Variants in PIAS2 observed in about 807,000 individuals in gnomAD.
PIAS2 encodes the protein E3 SUMO-protein ligase PIAS2.
A neutral mutation model predicts 69.7 loss-of-function variants in PIAS2; 19 were observed. The ratio of observed to expected loss-of-function variants is 0.27; its 90% CI spans 0.19 to 0.40. The LOEUF (loss-of-function observed/expected upper bound fraction) is 0.40. Ranked by LOEUF, PIAS2 falls within the 10% of genes least tolerant of loss-of-function variation. The pLI is 1.00. For synonymous variants in PIAS2, 261 were observed against 263.2 expected (o/e 0.99, Z 0.08); for missense variants, 624 against 757.0 (o/e 0.82, Z 2.06).
At chr18:46,835,203 C>T (rs181443589) in intron 9 of PIAS2, among the ~76,000 whole-genome samples, 1 of 152,082 alleles carries the variant, frequency 6.6e-6, no homozygotes, top group Non-Finnish European at 1.5e-5. Flanking sequence ...ATGCACACAC[C>T]AAAAATGTGT....
At chr18:46,919,486 CAA>C (rs571707086), upstream of PIAS2, among the ~76,000 whole-genome samples, 2 of 134,508 alleles carry the variant, frequency 1.5e-5, no homozygotes, top group Admixed American at 7.4e-5. Context: ...AACTCCATCT[CAA>C]AAAAAAAAAA....
At chr18:46,829,603 G>A (rs1433698933) in intron 10 of PIAS2, 131 bp downstream of exon 10, 1 of 736,984 alleles carries the variant, frequency 1.4e-6, no homozygotes, top group Non-Finnish European at 2.2e-6. Context: ...AATCATTTGG[G>A]GGAAAACTAT....
rs1382954810 is a variant in PIAS2 at position 46,807,352 on chromosome 18, ATTTT to A, written c.*5077_*5080del. ...CGTAGGTGTTTCTGAAACATGTCAG[ATTTT>A]ATATATATATATATATATATATATA... On this transcript the variant is annotated 3_prime_UTR_variant, in exon 14 of 14. Coordinates refer to ENST00000585916, the MANE Select transcript of PIAS2 (RefSeq NM_004671.5). The A allele has an allele frequency of 3.0e-5, 2 of 65,662 alleles. No individual in the cohort carries two copies. 4.1% of individuals were successfully genotyped at this position (65,662 alleles called of 1,614,324 possible).
chr18:46,843,513 T>C (rs758335854), intron 8 of PIAS2, among the ~76,000 whole-genome samples: 20 of 152,208 alleles, frequency 1.3e-4, no homozygotes, highest in Non-Finnish European at 2.8e-4. Context: ...ATTATTAACA[T>C]TCTAAGCAAG....
At chr18:46,897,708 G>A (rs2055117185) in intron 1 of PIAS2, among the ~76,000 whole-genome samples, 1 of 152,072 alleles carries the variant, frequency 6.6e-6, no homozygotes, top group Non-Finnish European at 1.5e-5. Flanking sequence ...AACAAGAAAA[G>A]AAAGAAATTC....
chr18:46,834,694 G>A (rs1023348555), intron 9 of PIAS2, among the ~76,000 whole-genome samples: 5 of 152,062 alleles, frequency 3.3e-5, no homozygotes, highest in South Asian at 2.1e-4. Flanking sequence ...TGCTCACTGC[G>A]GCCTCAAACT....
At chr18:46,858,898 C>A (rs1159458568) in intron 3 of PIAS2, among the ~76,000 whole-genome samples, 5 of 152,032 alleles carry the variant, frequency 3.3e-5, no homozygotes, top group Admixed American at 2.6e-4. Context: ...CTCACCAGGA[C>A]AAGAAGAGGC....
intron 2 of PIAS2, among the ~76,000 whole-genome samples, chr18:46,866,584 T>C (rs540517169): frequency 6.6e-6 from 1 of 152,332 alleles, no homozygotes; most frequent in African/African-American, 2.4e-5. Flanking sequence ...AATCATACAG[T>C]AAATAAGCAT....
chr18:46,916,306 C>T (rs968400496), intron 1 of PIAS2, among the ~76,000 whole-genome samples: 2 of 151,834 alleles, frequency 1.3e-5, no homozygotes, highest in African/African-American at 4.8e-5. Context: ...ATTCCTCTTC[C>T]TTATTTGAAA....
In PIAS2 at chr18:46,846,537, T is replaced by C. The variant is rs141296116; in HGVS notation, c.861+170A>G. On this transcript the variant is annotated intron_variant, in intron 6 of 13. Coordinates refer to ENST00000585916, the MANE Select transcript of PIAS2 (RefSeq NM_004671.5). ...TATTCAGGAAAGCTCAGAGTTAAAGTTTTTAACTTTAAGAATCTCCACACT... is the reference window on the plus strand; with the variant it reads ...TATTCAGGAAAGCTCAGAGTTAAAGCTTTTAACTTTAAGAATCTCCACACT... The C allele has an allele frequency of 1.7e-4, 86 of 519,936 alleles. No individual in the cohort carries two copies. In the East Asian group the frequency reaches 2.5e-3, roughly 15 times the overall value. The allele number at this position is 519,936 out of a possible 1,614,324, so 32.2% of individuals were successfully genotyped here. A position where few individuals can be genotyped will look rare whatever the true frequency, so the allele number is the denominator to read the frequency against.
At chr18:46,838,472 T>C (rs914031754) in intron 8 of PIAS2, among the ~76,000 whole-genome samples, 1 of 152,166 alleles carries the variant, frequency 6.6e-6, no homozygotes, top group Non-Finnish European at 1.5e-5. Context: ...ACTGCCTCTA[T>C]CTAAGTGTCT....
At chr18:46,909,043 C>T (rs1451116238) in intron 1 of PIAS2, among the ~76,000 whole-genome samples, 2 of 151,706 alleles carry the variant, frequency 1.3e-5, no homozygotes, top group Non-Finnish European at 2.9e-5. Flanking sequence ...AAAAGTGAGC[C>T]CAATTGAAAG....
At position 46,810,298 on chromosome 18, in the gene PIAS2, T is replaced by C. The variant is rs570451762; in HGVS notation, c.*2135A>G. The C allele has an allele frequency of 4.3e-4, 65 of 152,294 alleles. No individual in the cohort carries two copies. The highest frequency in any genetic ancestry group is 1.2e-3 in the African/African-American group (51 of 41,564). 9.4% of individuals were successfully genotyped at this position (152,294 alleles called of 1,614,324 possible). A position where few individuals can be genotyped will look rare whatever the true frequency, so the allele number is the denominator to read the frequency against. ...AATATTTTCATTTACTTTATAAAAC[T>C]TTGTTGATTAAATTGGGGGAGTCTC... On this transcript the variant is annotated 3_prime_UTR_variant, in exon 14 of 14. Transcript: ENST00000585916.
intron 12 of PIAS2, among the ~76,000 whole-genome samples, chr18:46,820,028 GTTTTAAAT>G (rs1410394297): frequency 3.9e-5 from 6 of 152,094 alleles, no homozygotes; most frequent in Non-Finnish European, 8.8e-5. Context: ...TAATTCATAA[GTTTTAAAT>G]TACACACTAT....
rs747794705 is a variant in PIAS2 at position 46,818,428 on chromosome 18, A to G, written c.1648+2505T>C. ...TTCCAAGCTTCAGTTCATTATTAAT[A>G]TCATTTCTTCTTTGTTCTCCTGCAG... On this transcript the variant is annotated intron_variant, in intron 12 of 13. Transcript: ENST00000585916. 6 of 1,579,934 alleles carry G rather than the reference A, an allele frequency of 3.8e-6. No individual in the cohort carries two copies. The East Asian group carries it at 1.2e-4, about 30-fold the overall frequency.
At position 46,804,025 on chromosome 18, in the gene PIAS2, G is replaced by T. The variant is rs185759918; in HGVS notation, c.*8408C>A. On this transcript the variant is annotated 3_prime_UTR_variant, in exon 14 of 14. Coordinates refer to ENST00000585916, the MANE Select transcript of PIAS2 (RefSeq NM_004671.5). Reference sequence around the variant, plus strand: ...GCACCTCCTTCTGTTTTCCTCTCTTGGTGAATGCTTACTGCTGAGGTATTA... The same window carrying T: ...GCACCTCCTTCTGTTTTCCTCTCTTTGTGAATGCTTACTGCTGAGGTATTA... 1 of 152,098 alleles carries T rather than the reference G, an allele frequency of 6.6e-6. No homozygotes were observed. Among genetic ancestry groups the T allele is most frequent in the Admixed American group, 6.5e-5 (1 of 15,286 alleles). The allele number at this position is 152,098 out of a possible 1,614,324, so 9.4% of individuals were successfully genotyped here.
At chr18:46,867,108 TAG>T (rs2049603854) in intron 2 of PIAS2, among the ~76,000 whole-genome samples, 1 of 152,186 alleles carries the variant, frequency 6.6e-6, no homozygotes, top group Non-Finnish European at 1.5e-5. Flanking sequence ...GTACAATTTA[TAG>T]AACTGGCAGC....
chr18:46,844,754 G>T lies in PIAS2; in HGVS notation c.947C>A (p.Pro316His). 6.9e-7 allele frequency: 1 copy of T among 1,440,938 alleles called. No homozygotes were observed. The allele number at this position is 1,440,938 out of a possible 1,614,324, so 89.3% of individuals were successfully genotyped here. A position where few individuals can be genotyped will look rare whatever the true frequency, so the allele number is the denominator to read the frequency against. Reference protein sequence around the residue: ...QRLKMKGIRNPDHSRALIKEK... With the variant: ...QRLKMKGIRNHDHSRALIKEK... ...CTTACTTAGTGCTCTGGAATGATCA[G>T]GGTTTCTAATACCTTTCATTTTTAA... Residue 316 changes from proline (P) to histidine (H), a missense_variant, in exon 7 of 14, where the codon CCT becomes CAT. Around this residue, in one of 3 missense-constraint regions of PIAS2, gnomAD observed 339 missense variants for 408.8 expected, o/e 0.83. Transcript: ENST00000585916.
chr18:46,857,300 A>C (rs74450953), intron 3 of PIAS2, among the ~76,000 whole-genome samples: 8,650 of 152,284 alleles, frequency 0.057, 534 homozygotes, highest in African/African-American at 0.15. Flanking sequence ...TATTTGCTTC[A>C]AAGGATTTAT....
Sources: gnomAD v4.1 joint callset for allele counts (sites outside exome capture counted in the v4.1 genomes callset) on GRCh38, gnomAD v4.1.1 for gene constraint, gnomAD v4.1.1 regional missense constraint, MANE v1.5 for transcripts, NCBI Gene and HGNC (gene_info 2026-07-23, HGNC 2026-07-21) for gene names.